MLF1: variants seen among roughly 807,000 people sequenced by gnomAD.
MLF1 encodes the protein myelodysplasia-myeloid leukemia factor 1.
Under a neutral mutation model 38.3 loss-of-function variants are expected in MLF1, and 37 were observed. The observed-to-expected ratio is 0.96, with a 90% confidence interval of 0.74 to 1.27. The LOEUF is 1.27. Among genes scored for constraint, MLF1 ranks in the 50% most tolerant of loss-of-function variants. MLF1 has a pLI of 0.00. For synonymous variants in MLF1, 95 were observed against 106.5 expected (o/e 0.89, Z 0.66); for missense variants, 331 against 349.2 (o/e 0.95, Z 0.42).
chr3:158,582,274 T>C (rs1716504377), intron 1 of MLF1, among the ~76,000 whole-genome samples: 1 of 151,062 alleles, frequency 6.6e-6, no homozygotes, highest in Admixed American at 6.6e-5. Context: ...GATATGACAG[T>C]AGAAACTTCC....
chr3:158,595,286 A>G (rs1007959086), intron 3 of MLF1, among the ~76,000 whole-genome samples: 5 of 152,140 alleles, frequency 3.3e-5, no homozygotes, highest in African/African-American at 1.2e-4. Context: ...AGGAGGAAAC[A>G]TTTAAGGAAG....
intron 7 of MLF1, among the ~76,000 whole-genome samples, chr3:158,603,464 C>T (rs1720088779): frequency 6.6e-6 from 1 of 152,170 alleles, no homozygotes; most frequent in Non-Finnish European, 1.5e-5. Context: ...AAGAATTTTG[C>T]AAGAACATTA....
At chr3:158,575,083 A>G (rs1251340022) in intron 1 of MLF1, among the ~76,000 whole-genome samples, 1 of 146,922 alleles carries the variant, frequency 6.8e-6, no homozygotes, top group Non-Finnish European at 1.5e-5. Flanking sequence ...AAATAGTAAC[A>G]GACTACAAAT....
intron 6 of MLF1, among the ~76,000 whole-genome samples, chr3:158,602,036 T>C (rs1191238130): frequency 6.6e-6 from 1 of 151,998 alleles, no homozygotes; most frequent in Non-Finnish European, 1.5e-5. Flanking sequence ...CAGGATGGTC[T>C]TGATCTCCTG....
chr3:158,602,887 A>AGAAT lies in MLF1; in HGVS notation c.697_700dup (p.Arg234AsnfsTer7). The stretch of plus-strand genomic sequence containing the variant: ...AGGACGACACAATCTAGGAAACACT[A>AGAAT]GAATGAGAAGTGTTGGCCATGAGAA... On this transcript the variant is annotated frameshift_variant, in exon 7 of 8. Transcript: ENST00000466246. LOFTEE classifies it high-confidence loss of function. 6.2e-7 allele frequency: 1 copy of AGAAT among 1,613,650 alleles called. No individual in the cohort carries two copies. The highest frequency in any genetic ancestry group is 1.7e-4 in the Middle Eastern group (1 of 5,938).
chr3:158,598,563 GAATT>G (rs1280740614), intron 5 of MLF1, among the ~76,000 whole-genome samples: 1 of 152,022 alleles, frequency 6.6e-6, no homozygotes, highest in Non-Finnish European at 1.5e-5. Context: ...CATTTGAAGT[GAATT>G]AATTTTTTAA....
chr3:158,571,291 C>G lies in MLF1; in HGVS notation c.-10C>G. The stretch of plus-strand genomic sequence containing the variant: ...TGTCCGCGGCTGCCGCCACCCAAGA[C>G]AGAGCCAGAATGTTCAGGATGCTGA... On this transcript the variant is annotated 5_prime_UTR_variant, in exon 1 of 8. Coordinates refer to ENST00000466246, the MANE Select transcript of MLF1 (RefSeq NM_001369783.1). 1.2e-6 allele frequency: 2 copies of G among 1,610,164 alleles called. No individual in the cohort carries two copies. The highest frequency in any genetic ancestry group is 1.7e-6 in the Non-Finnish European group (2 of 1,177,526).
chr3:158,584,980 G>T (rs1309420838), intron 1 of MLF1, among the ~76,000 whole-genome samples: 1 of 142,650 alleles, frequency 7.0e-6, no homozygotes, highest in East Asian at 2.2e-4. Flanking sequence ...TAAGGTTGCA[G>T]TGAGCCAAGA....
intron 1 of MLF1, among the ~76,000 whole-genome samples, chr3:158,573,880 C>G (rs1030052476): frequency 6.6e-6 from 1 of 152,162 alleles, no homozygotes; most frequent in Non-Finnish European, 1.5e-5. Flanking sequence ...TCTCGGCTCA[C>G]TGCAGCCTCT....
chr3:158,603,741 A>G (rs1219935402), intron 7 of MLF1, among the ~76,000 whole-genome samples: 2 of 152,190 alleles, frequency 1.3e-5, no homozygotes, highest in Non-Finnish European at 2.9e-5. Context: ...TGGGAGGCTA[A>G]GGCAGGAGAA....
At position 158,600,104 on chromosome 3, in the gene MLF1, A is replaced by G. The variant is rs776520975; in HGVS notation, c.544A>G (p.Ile182Val). ...TCATATCCATGACCGAGCTCATGTC[A>G]TTAAAAAGTCAAAGAACAAGAAGAC... ...GHHIHDRAHV[I>V]KKSKNKKTGD... Residue 182 changes from isoleucine to valine, a missense_variant, in exon 6 of 8, where the codon ATT becomes GTT. Ile to Val is a conservative substitution (Grantham distance 29). Coordinates refer to ENST00000466246, the MANE Select transcript of MLF1 (RefSeq NM_001369783.1). The G allele has an allele frequency of 2.7e-6, 4 of 1,486,394 alleles. No individual in the cohort carries two copies. The South Asian group carries it at 6.0e-5, about 22-fold the overall frequency. The allele number at this position is 1,486,394 out of a possible 1,614,324, so 92.1% of individuals were successfully genotyped here.
intron 1 of MLF1, 105 bp from the exon 2 acceptor site, chr3:158,592,329 C>A: frequency 1.1e-6 from 1 of 923,234 alleles, no homozygotes; most frequent in African/African-American, 1.7e-5. Context: ...CTTCTTTTAT[C>A]TAACAAACAT....
At chr3:158,595,657 A>G (rs1297016676) in intron 3 of MLF1, among the ~76,000 whole-genome samples, 2 of 152,114 alleles carry the variant, frequency 1.3e-5, no homozygotes, top group African/African-American at 2.4e-5. Flanking sequence ...CCAAATATAT[A>G]TTAGTATTTC....
intron 3 of MLF1, among the ~76,000 whole-genome samples, chr3:158,594,406 G>A (rs1273687572): frequency 6.6e-6 from 1 of 152,142 alleles, no homozygotes; most frequent in Non-Finnish European, 1.5e-5. Context: ...ACTTAGCCCT[G>A]GAGTATGAGT....
chr3:158,576,629 G>T (rs1443310781), intron 1 of MLF1, among the ~76,000 whole-genome samples: 2 of 150,898 alleles, frequency 1.3e-5, no homozygotes, highest in African/African-American at 4.9e-5. Flanking sequence ...AGCTATTGGA[G>T]ATAGAAAGCT....
At chr3:158,597,452 T>C (rs990609770) in intron 4 of MLF1, among the ~76,000 whole-genome samples, 3 of 152,154 alleles carry the variant, frequency 2.0e-5, no homozygotes, top group African/African-American at 7.2e-5. Context: ...TGTTTAGGTA[T>C]AGTTCCCTAA....
intron 1 of MLF1, among the ~76,000 whole-genome samples, chr3:158,573,999 G>T (rs193067346): frequency 4.6e-5 from 7 of 152,164 alleles, no homozygotes; most frequent in Non-Finnish European, 4.4e-5. Context: ...AGGTTTCGCC[G>T]TGTTACCCAG....
intron 3 of MLF1, among the ~76,000 whole-genome samples, chr3:158,594,852 G>T (rs1409852506): frequency 3.3e-5 from 5 of 152,090 alleles, no homozygotes; most frequent in Admixed American, 2.6e-4. Context: ...GAGTGAGGTG[G>T]TCAAAACAAT....
intron 4 of MLF1, 40 bp from the exon 5 acceptor site, chr3:158,598,040 A>G: frequency 2.5e-6 from 4 of 1,601,500 alleles, no homozygotes; most frequent in Non-Finnish European, 3.4e-6. Context: ...ATAATTATTT[A>G]TATTTGACTC....
Sources: gnomAD v4.1 joint callset for allele counts (sites outside exome capture counted in the v4.1 genomes callset) on GRCh38, gnomAD v4.1.1 for gene constraint, MANE v1.5 for transcripts, NCBI Gene and HGNC (gene_info 2026-07-23, HGNC 2026-07-21) for gene names.